The following AP3D1 variants were observed in gnomAD, a reference collection of about 807,000 sequenced individuals.
AP3D1 encodes AP-3 complex subunit delta-1.
AP3D1 carries 51 observed loss-of-function variants against 147.6 expected under a neutral mutation model. The observed-to-expected ratio is 0.35, with a 90% confidence interval of 0.28 to 0.44. The LOEUF is 0.44. Ranked by LOEUF, AP3D1 falls within the 20% of genes least tolerant of loss-of-function variation. AP3D1 has a pLI of 1.00. For missense variants in AP3D1, 1,421 were observed against 1,624.2 expected (o/e 0.87, Z 2.15); for synonymous variants, 760 against 663.0 (o/e 1.15, Z -2.25).
intron 1 of AP3D1, among the ~76,000 whole-genome samples, chr19:2,160,001 C>T (rs906310612): frequency 9.9e-5 from 15 of 152,130 alleles, no homozygotes; most frequent in African/African-American, 2.9e-4. Flanking sequence ...CAGGCATTAG[C>T]CACTGCGCCT....
At chr19:2,111,047 C>A in intron 26 of AP3D1, 151 bp from the exon 27 acceptor site, 1 of 948,464 alleles carries the variant, frequency 1.1e-6, no homozygotes, top group Non-Finnish European at 1.6e-6. Flanking sequence ...AGGCCAAGCG[C>A]CTCCTATGGC....
Position 2,102,169 on chromosome 19 carries a change from G to A in AP3D1, c.*4C>T. ...CGGGGTGGTGCGGGGCTCGCAGGCA[G>A]CTCTCAACACTTGGCCAGCGTCGCC... On this transcript the variant is annotated 3_prime_UTR_variant, in exon 32 of 32. Transcript: ENST00000643116. The A allele has an allele frequency of 6.2e-7, 1 of 1,612,122 alleles. No homozygotes were observed.
At position 2,115,439 on chromosome 19, in the gene AP3D1, G is replaced by C. The variant is rs200066440; in HGVS notation, c.2150-21C>G. 3.4e-5 allele frequency: 55 copies of C among 1,608,776 alleles called. 1 individual carries two copies. Among genetic ancestry groups the C allele is most frequent in the Middle Eastern group, 3.3e-4 (2 of 6,062 alleles). On this transcript the variant is annotated intron_variant, in intron 19 of 31. Transcript: ENST00000643116. The stretch of plus-strand genomic sequence containing the variant: ...CAGCCCTGCGGGCCGGCAGCGGGCA[G>C]CCACTCAGCACTGCACCCCAGGGGC...
intron 2 of AP3D1, 124 bp from the exon 3 acceptor site, chr19:2,137,931 A>AC: frequency 1.5e-6 from 1 of 655,116 alleles, no homozygotes; most frequent in Non-Finnish European, 2.6e-6. Context: ...CTGTCAGCAA[A>AC]CCACCCAATA....
intron 14 of AP3D1, among the ~76,000 whole-genome samples, chr19:2,119,699 CAAAA>C (rs954635585): frequency 7.9e-5 from 2 of 25,334 alleles, no homozygotes; most frequent in African/African-American, 3.2e-4. Context: ...GACTCTGTCT[CAAAA>C]AAAAAAAAAA....
At chr19:2,144,261 T>C (rs1188579361) in intron 1 of AP3D1, among the ~76,000 whole-genome samples, 1 of 152,098 alleles carries the variant, frequency 6.6e-6, no homozygotes, top group Non-Finnish European at 1.5e-5. Context: ...TGAAAGGAGC[T>C]TCTCCTGCGG....
rs1599444629 is a variant in AP3D1 at position 2,111,603 on chromosome 19, G to C, written c.2937+76C>G. On this transcript the variant is annotated intron_variant, in intron 25 of 31. Transcript: ENST00000643116. ...TCTGCTCAGTTCTCTCCCGCATGGA[G>C]GCTGCAGGAGTGGGGAGCAGCGCAC... The C allele has an allele frequency of 2.0e-6, 3 of 1,477,528 alleles. No homozygotes were observed. The East Asian group carries it at 7.4e-5, about 36-fold the overall frequency. The allele number at this position is 1,477,528 out of a possible 1,614,324, so 91.5% of individuals were successfully genotyped here.
chr19:2,153,531 T>G (rs1272483767), upstream of AP3D1, among the ~76,000 whole-genome samples: 1 of 150,942 alleles, frequency 6.6e-6, no homozygotes, highest in Non-Finnish European at 1.5e-5. Flanking sequence ...CAAAAATTAG[T>G]CAGGCATGGT....
At chr19:2,116,508 C>G in intron 17 of AP3D1, 97 bp downstream of exon 17, 3 of 1,433,476 alleles carry the variant, frequency 2.1e-6, no homozygotes, top group Non-Finnish European at 2.8e-6. Flanking sequence ...CTGCCAGGGT[C>G]AGGGCCAGGA....
At chr19:2,103,555 C>T (rs547645008) in intron 31 of AP3D1, among the ~76,000 whole-genome samples, 12 of 152,306 alleles carry the variant, frequency 7.9e-5, no homozygotes, top group South Asian at 4.1e-4. Flanking sequence ...CTCCATGCTG[C>T]GGATCCCGTT....
At chr19:2,137,334 G>T (rs907607441) in intron 3 of AP3D1, among the ~76,000 whole-genome samples, 32 of 150,966 alleles carry the variant, frequency 2.1e-4, no homozygotes, top group Non-Finnish European at 3.8e-4. Context: ...TTTTCTTGGA[G>T]ACAAAGTCTC....
intron 4 of AP3D1, among the ~76,000 whole-genome samples, chr19:2,134,507 C>G (rs2019028353): frequency 6.6e-6 from 1 of 150,824 alleles, no homozygotes; most frequent in Admixed American, 6.6e-5. Context: ...GAGGCCGAGG[C>G]AGGCAGATCA....
chr19:2,117,011 A>T, intron 16 of AP3D1: 1 of 812,606 alleles, frequency 1.2e-6, no homozygotes, highest in Non-Finnish European at 1.8e-6. Flanking sequence ...GAGCAGGCCC[A>T]CTTCGCAGGG....
chr19:2,102,453 G>T (rs1263568018), intron 31 of AP3D1, among the ~76,000 whole-genome samples, 185 bp from the exon 32 acceptor site: 1 of 152,156 alleles, frequency 6.6e-6, no homozygotes, highest in Non-Finnish European at 1.5e-5. Flanking sequence ...AAATGGCCGG[G>T]TGCGGTGGCT....
chr19:2,111,650 T>G lies in AP3D1; in HGVS notation c.2937+29A>C, dbSNP rs2074959. 20 of 1,559,758 alleles carry G rather than the reference T, an allele frequency of 1.3e-5. No individual in the cohort carries two copies. The African/African-American group carries it at 2.6e-4, about 20-fold the overall frequency. On this transcript the variant is annotated intron_variant, in intron 25 of 31. Transcript: ENST00000643116. The stretch of plus-strand genomic sequence containing the variant: ...GCACAGCCCGCCAGGAACCCCGGCG[T>G]GGGGCGGGGGCGCTGAAGTACCCCT...
chr19:2,157,632 C>A (rs1364812352), intron 1 of AP3D1, among the ~76,000 whole-genome samples: 1 of 148,782 alleles, frequency 6.7e-6, no homozygotes, highest in African/African-American at 2.5e-5. Context: ...CACCCACCCA[C>A]CCATCCACCC....
At chr19:2,129,236 G>A in intron 7 of AP3D1, 73 bp from the exon 8 acceptor site, 1 of 1,611,510 alleles carries the variant, frequency 6.2e-7, no homozygotes, top group Non-Finnish European at 8.5e-7. Context: ...GGGGGCCTCG[G>A]TCACCCGCAG....
chr19:2,148,102 G>A (rs1417691789), intron 1 of AP3D1, among the ~76,000 whole-genome samples: 3 of 143,432 alleles, frequency 2.1e-5, no homozygotes, highest in African/African-American at 8.0e-5. Context: ...AGCCCAGATC[G>A]CACCACTGCA....
At chr19:2,142,700 TGA>T (rs1463963300) in intron 1 of AP3D1, among the ~76,000 whole-genome samples, 1 of 151,726 alleles carries the variant, frequency 6.6e-6, no homozygotes, top group South Asian at 2.1e-4. Context: ...ACCCAGCTCA[TGA>T]GAGCAAAGCC....
Sources: allele counts gnomAD v4.1 joint callset (sites outside exome capture counted in the v4.1 genomes callset), GRCh38; gene constraint gnomAD v4.1.1; transcripts MANE v1.5; gene names NCBI Gene and HGNC (gene_info 2026-07-23, HGNC 2026-07-21).